Variants in DKC1 observed in about 807,000 individuals in gnomAD.
DKC1 encodes dyskerin pseudouridine synthase 1.
In DKC1, 4 loss-of-function variants were observed where a neutral mutation model predicts 46.7. That is an observed-to-expected ratio of 0.09 (90% confidence interval 0.04 to 0.20). The LOEUF is 0.20. Among genes scored for constraint, DKC1 ranks in the 10% least tolerant of loss-of-function variants. The pLI is 1.00. For synonymous variants in DKC1, 141 were observed against 142.4 expected (o/e 0.99, Z 0.07); for missense variants, 171 against 404.2 (o/e 0.42, Z 4.95).
At position 154,764,862 on chromosome X, in the gene DKC1, T is replaced by G. The variant is rs782408824; in HGVS notation, c.17-37T>G. The stretch of plus-strand genomic sequence containing the variant: ...TTTAAACCCTTGTTTCATTTATTCT[T>G]GGGGAAAATTCCCAAATCCTGTGTT... On this transcript the variant is annotated intron_variant, in intron 1 of 14. Transcript: ENST00000369550. 24 of 1,069,087 alleles carry G rather than the reference T, an allele frequency of 2.2e-5. No homozygotes were observed. In the Admixed American group the frequency reaches 5.3e-4, roughly 23 times the overall value. The allele number at this position is 1,069,087 out of a possible 1,213,427, so 88.1% of individuals were successfully genotyped here. A position where few individuals can be genotyped will look rare whatever the true frequency, so the allele number is the denominator to read the frequency against.
At chrX:154,771,633 T>C (rs1453570899) in intron 10 of DKC1, among the ~76,000 whole-genome samples, 2 of 111,220 alleles carry the variant, frequency 1.8e-5, no homozygotes, top group Admixed American at 9.6e-5. Flanking sequence ...AGTGAGAACA[T>C]GCAATGTTTG....
chrX:154,768,955 C>T (rs1471103200), intron 8 of DKC1, among the ~76,000 whole-genome samples: 1 of 97,668 alleles, frequency 1.0e-5, no homozygotes, highest in Non-Finnish European at 2.0e-5. Context: ...CCACTGCAGT[C>T]CGCAGTCCCA....
At position 154,770,836 on chromosome X, in the gene DKC1, G is replaced by A. The variant is rs1407582382; in HGVS notation, c.993G>A (p.Gln331=). 6 of 1,209,792 alleles carry A rather than the reference G, an allele frequency of 5.0e-6. No individual in the cohort carries two copies. The highest frequency in any genetic ancestry group is 6.7e-6 in the Non-Finnish European group (6 of 894,790). The part of the protein sequence containing the change: ...LRYEDGIEVN[Q]EIVVITTKGE... Reference sequence around the variant, plus strand: ...ATGAGGACGGCATTGAGGTCAATCAGGAGATTGTGGTTATCACCACCAAAG... The same window carrying A: ...ATGAGGACGGCATTGAGGTCAATCAAGAGATTGTGGTTATCACCACCAAAG... Residue 331 remains glutamine (Q), a synonymous_variant, in exon 10 of 15, where the codon CAG becomes CAA. Transcript: ENST00000369550.
intron 13 of DKC1, 51 bp downstream of exon 13, chrX:154,775,324 AAG>A (rs2071882960): frequency 9.1e-7 from 1 of 1,094,596 alleles, no homozygotes; most frequent in South Asian, 1.8e-5. Context: ...AGATAATCCT[AAG>A]AGGCACTGGC....
intron 14 of DKC1, 85 bp downstream of exon 14, chrX:154,776,409 CTCT>C: frequency 1.8e-6 from 2 of 1,122,791 alleles, no homozygotes; most frequent in Non-Finnish European, 2.4e-6. Context: ...AGCTTTGTTA[CTCT>C]TCTTGGAGGA....
chrX:154,768,295 A>C lies in DKC1; in HGVS notation c.641-7A>C. ...TGCTGCTTTTCTTTTGTGTGTGTGT[A>C]TCTTAGGAATCTTTTGGGTGAGTTG... On this transcript the variant is annotated splice_region_variant and splice_polypyrimidine_tract_variant and intron_variant, in intron 7 of 14. Coordinates refer to ENST00000369550, the MANE Select transcript of DKC1 (RefSeq NM_001363.5). 8.3e-7 allele frequency: 1 copy of C among 1,210,888 alleles called. No homozygotes were observed. Among genetic ancestry groups the C allele is most frequent in the Non-Finnish European group, 1.1e-6 (1 of 895,249 alleles).
At chrX:154,772,932 T>G (rs1181477873) in intron 10 of DKC1, among the ~76,000 whole-genome samples, 199 bp from the exon 11 acceptor site, 9 of 111,857 alleles carry the variant, frequency 8.0e-5, no homozygotes, top group Non-Finnish European at 1.5e-4. Context: ...CTTCAGAAGT[T>G]TAACGTCATT....
intron 1 of DKC1, among the ~76,000 whole-genome samples, chrX:154,763,216 C>T (rs2071703109): frequency 8.9e-6 from 1 of 112,226 alleles, no homozygotes; most frequent in Admixed American, 9.3e-5. Context: ...TCTCACCTCC[C>T]TGGGGTCCGG....
chrX:154,767,360 A>G lies in DKC1; in HGVS notation c.618A>G (p.Glu206=), dbSNP rs2071759018. ...VRTIYESKMI[E]YDPERRLGIF... ...CCATCTACGAGAGCAAAATGATTGA[A>G]TACGATCCTGAAAGAAGATTAGGTG... is the stretch of plus-strand genomic sequence containing the variant. Residue 206 remains glutamate (E), a synonymous_variant, in exon 7 of 15, where the codon GAA becomes GAG. Coordinates refer to ENST00000369550, the MANE Select transcript of DKC1 (RefSeq NM_001363.5). The G allele has an allele frequency of 1.7e-6, 2 of 1,210,327 alleles. No homozygotes were observed. The highest frequency in any genetic ancestry group is 1.7e-5 in the African/African-American group (1 of 57,219).
At chrX:154,771,011 C>A in intron 10 of DKC1, 132 bp downstream of exon 10, 1 of 630,897 alleles carries the variant, frequency 1.6e-6, no homozygotes, top group Non-Finnish European at 2.5e-6. Context: ...GAGAATGGGG[C>A]ATCCATCTTA....
At chrX:154,775,729 T>C (rs1477622090) in intron 13 of DKC1, among the ~76,000 whole-genome samples, 2 of 112,046 alleles carry the variant, frequency 1.8e-5, no homozygotes, top group African/African-American at 6.5e-5. Context: ...AAAGAGTCAG[T>C]CAAGCATGGG....
rs782259834 is a variant in DKC1 at position 154,766,062 on chromosome X, A to G, written c.263+64A>G. ...TTTTGAAAATGCTTTCACATCAGCT[A>G]TTCAGGAAGGCAGTGGCATGCCAGA... On this transcript the variant is annotated intron_variant, in intron 4 of 14. Coordinates refer to ENST00000369550, the MANE Select transcript of DKC1 (RefSeq NM_001363.5). 11 of 1,029,031 alleles carry G rather than the reference A, an allele frequency of 1.1e-5. No homozygotes were observed. The South Asian group carries it at 1.7e-4, about 16-fold the overall frequency. 84.8% of individuals were successfully genotyped at this position (1,029,031 alleles called of 1,213,427 possible).
chrX:154,775,304 G>A, intron 13 of DKC1, 31 bp downstream of exon 13: 1 of 1,175,313 alleles, frequency 8.5e-7, no homozygotes, highest in South Asian at 1.8e-5. Flanking sequence ...AGTTTGGAAT[G>A]TGCTTAGGGA....
intron 10 of DKC1, among the ~76,000 whole-genome samples, chrX:154,771,171 GTTTTTTGGTGGTGGTGT>G (rs2071819715): frequency 1.0e-5 from 1 of 96,480 alleles, no homozygotes; most frequent in African/African-American, 3.8e-5. Flanking sequence ...CATTCTTTTG[GTTTTTTGGTGGTGGTGT>G]TTTTTTTTTT....
chrX:154,763,025 C>G, intron 1 of DKC1, 44 bp downstream of exon 1: 2 of 1,121,116 alleles, frequency 1.8e-6, no homozygotes, highest in Non-Finnish European at 2.4e-6. Context: ...CCGGGCGACT[C>G]GGGGAACGGG....
chrX:154,775,173 C>T (rs782666064), intron 12 of DKC1, 22 bp from the exon 13 acceptor site: 21 of 1,197,809 alleles, frequency 1.8e-5, no homozygotes, highest in East Asian at 5.9e-5. Flanking sequence ...GTGAATTTGA[C>T]CTATTGCTAC....
intron 1 of DKC1, 76 bp downstream of exon 1, chrX:154,763,057 C>T (rs1442464196): frequency 3.7e-5 from 40 of 1,072,524 alleles, no homozygotes; most frequent in Non-Finnish European, 5.1e-5. Flanking sequence ...GGTATCGGGG[C>T]CCGCGCACGC....
chrX:154,763,945 G>A (rs2071713154), intron 1 of DKC1, among the ~76,000 whole-genome samples: 1 of 111,119 alleles, frequency 9.0e-6, no homozygotes, highest in African/African-American at 3.3e-5. Flanking sequence ...GATCACCTGC[G>A]GTCAGGAGTT....
chrX:154,765,552 T>C, intron 3 of DKC1, 22 bp downstream of exon 3: 2 of 1,043,208 alleles, frequency 1.9e-6, no homozygotes, highest in Non-Finnish European at 2.7e-6. Flanking sequence ...AAATCGTGCA[T>C]CAGATGAATG....
Sources: allele counts gnomAD v4.1 joint callset (sites outside exome capture counted in the v4.1 genomes callset), GRCh38; gene constraint gnomAD v4.1.1; transcripts MANE v1.5; gene names NCBI Gene and HGNC (gene_info 2026-07-23, HGNC 2026-07-21).